Variants in WNK3 observed in about 807,000 individuals in gnomAD.
The protein encoded by WNK3 is serine/threonine-protein kinase WNK3.
In WNK3, 18 loss-of-function variants were observed where a neutral mutation model predicts 116.7. That is an observed-to-expected ratio of 0.15 (90% CI 0.11 to 0.23). WNK3 has a LOEUF of 0.23. Ranked by LOEUF, WNK3 falls within the 10% of genes least tolerant of loss-of-function variation. The pLI, the probability that WNK3 is intolerant of heterozygous loss-of-function variation, is 1.00. For synonymous variants in WNK3, 404 were observed against 469.4 expected (o/e 0.86, Z 1.80); for missense variants, 993 against 1,323.8 (o/e 0.75, Z 3.88).
rs782131842 is a variant in WNK3, at chrX:54,298,410, T to C, written c.1179-16A>G. The C allele has an allele frequency of 1.6e-5, 18 of 1,098,346 alleles. No individual in the cohort carries two copies. Among genetic ancestry groups the C allele is most frequent in the African/African-American group, 7.3e-5 (4 of 55,077 alleles). The allele number at this position is 1,098,346 out of a possible 1,213,427, so 90.5% of individuals were successfully genotyped here. ...GATAGACAACCTAATAAACAAAACA[T>C]ATATCTCATTATCAGTTCTTCCAAT... On this transcript the variant is annotated splice_polypyrimidine_tract_variant and intron_variant, in intron 6 of 23. Coordinates refer to ENST00000354646, the Ensembl canonical transcript of WNK3.
chrX:54,344,348 C>T (rs781855987), intron 1 of WNK3, among the ~76,000 whole-genome samples: 2 of 109,719 alleles, frequency 1.8e-5, no homozygotes, highest in South Asian at 7.8e-4. Flanking sequence ...GAGGCTGAGG[C>T]AGAATGGCGT....
intron 22 of WNK3, chrX:54,223,557 C>A: frequency 8.6e-6 from 1 of 115,757 alleles, no homozygotes; most frequent in Admixed American, 9.1e-5. Flanking sequence ...GAAAGTGCCT[C>A]CTGCAAATAA....
At chrX:54,255,065 C>T (rs781897571) in intron 12 of WNK3, among the ~76,000 whole-genome samples, 1 of 110,242 alleles carries the variant, frequency 9.1e-6, no homozygotes, top group Non-Finnish European at 1.9e-5. Context: ...CCGCAACCTC[C>T]GCCTCCTGGG....
At chrX:54,307,841 A>T (rs2068843372) in intron 5 of WNK3, 81 bp downstream of exon 5, 1 of 931,179 alleles carries the variant, frequency 1.1e-6, no homozygotes, top group Non-Finnish European at 1.5e-6. Context: ...AACCAAAATT[A>T]GTTTTGAGTA....
At chrX:54,288,165 A>AG (rs2068600522) in intron 10 of WNK3, among the ~76,000 whole-genome samples, 1 of 111,514 alleles carries the variant, frequency 9.0e-6, no homozygotes, top group Admixed American at 9.6e-5. Context: ...GTTTTTCTGT[A>AG]GGGGAAAAGT....
chrX:54,248,573 CTG>C, intron 17 of WNK3, 122 bp downstream of exon 17: 1 of 584,506 alleles, frequency 1.7e-6, no homozygotes, highest in Admixed American at 3.9e-5. Context: ...TCTTAAATAC[CTG>C]TGACCTCAGC....
chrX:54,328,499 T>C (rs2069131722), intron 2 of WNK3, among the ~76,000 whole-genome samples: 1 of 110,529 alleles, frequency 9.0e-6, no homozygotes, highest in Non-Finnish European at 1.9e-5. Context: ...CCTATGCCTG[T>C]AGTCCTGGCT....
At chrX:54,348,447 C>T (rs2069467971) in intron 1 of WNK3, among the ~76,000 whole-genome samples, 1 of 111,658 alleles carries the variant, frequency 9.0e-6, no homozygotes, top group East Asian at 2.8e-4. Flanking sequence ...GCTGGGATTA[C>T]AGGTGTGAGC....
chrX:54,275,294 C>T (rs1481765063), intron 10 of WNK3, among the ~76,000 whole-genome samples: 1 of 109,682 alleles, frequency 9.1e-6, no homozygotes, highest in Non-Finnish European at 1.9e-5. Flanking sequence ...CCAGCCTGGG[C>T]GAGAGAGTGA....
intron 2 of WNK3, among the ~76,000 whole-genome samples, chrX:54,325,310 A>G (rs1557173062): frequency 9.0e-6 from 1 of 111,409 alleles, no homozygotes; most frequent in Non-Finnish European, 1.9e-5. Context: ...GGCTTATTAC[A>G]AGCACACTCA....
intron 1 of WNK3, among the ~76,000 whole-genome samples, chrX:54,346,279 CAAAAAAAAAAAAA>C (rs150788845): frequency 1.2e-3 from 35 of 30,339 alleles, no homozygotes; most frequent in Middle Eastern, 0.053. Flanking sequence ...GCTGATCAGC[CAAAAAAAAAAAAA>C]AAAAAAAAAA....
At chrX:54,222,140 AG>A (rs782061024) in intron 22 of WNK3, among the ~76,000 whole-genome samples, 1 of 108,234 alleles carries the variant, frequency 9.2e-6, no homozygotes, top group South Asian at 4.0e-4. Flanking sequence ...CTGGGCGACA[AG>A]AGCAAAACTT....
At chrX:54,259,119 CAA>C (rs58139835) in intron 11 of WNK3, among the ~76,000 whole-genome samples, 153 bp downstream of exon 11, 105 of 45,245 alleles carry the variant, frequency 2.3e-3, no homozygotes, top group African/African-American at 4.9e-3. Flanking sequence ...CATAAAAAAG[CAA>C]AAAAAAAAAA....
At chrX:54,216,190 T>C (rs1168138677) in intron 22 of WNK3, among the ~76,000 whole-genome samples, 6 of 108,287 alleles carry the variant, frequency 5.5e-5, no homozygotes, top group African/African-American at 2.0e-4. Flanking sequence ...CCAGAGACCT[T>C]TGTTCACATG....
intron 23 of WNK3, among the ~76,000 whole-genome samples, chrX:54,199,423 A>T (rs1412688953): frequency 2.7e-5 from 3 of 111,438 alleles, no homozygotes; most frequent in Admixed American, 1.9e-4. Context: ...TGGTCTGCCA[A>T]CATCTACCCT....
At chrX:54,206,563 C>T (rs1224416493) in intron 22 of WNK3, among the ~76,000 whole-genome samples, 1 of 111,611 alleles carries the variant, frequency 9.0e-6, no homozygotes, top group Non-Finnish European at 1.9e-5. Context: ...CACAAATCTC[C>T]AGTCCATCAC....
At chrX:54,254,209 G>A in intron 12 of WNK3, 134 bp from the exon 13 acceptor site, 2 of 407,026 alleles carry the variant, frequency 4.9e-6, no homozygotes, top group Non-Finnish European at 8.6e-6. Context: ...GTTTTCCCTT[G>A]GTGGAATACC....
At chrX:54,250,917 T>A (rs1557154006) in intron 15 of WNK3, among the ~76,000 whole-genome samples, 3 of 111,174 alleles carry the variant, frequency 2.7e-5, no homozygotes. Flanking sequence ...AGTTTTCGCT[T>A]CTGGAAGTTT....
chrX:54,278,179 T>C (rs1393657900), intron 10 of WNK3, among the ~76,000 whole-genome samples: 1 of 110,239 alleles, frequency 9.1e-6, no homozygotes, highest in Non-Finnish European at 1.9e-5. Context: ...CAAAAGAGCC[T>C]TAGGATTTGT....
Sources: allele counts gnomAD v4.1 joint callset (sites outside exome capture counted in the v4.1 genomes callset), GRCh38; gene constraint gnomAD v4.1.1; transcripts MANE v1.5; gene names NCBI Gene and HGNC (gene_info 2026-07-23, HGNC 2026-07-21).